The following SORBS2 variants were observed in gnomAD, a reference collection of about 807,000 sequenced individuals.
SORBS2 encodes sorbin and SH3 domain-containing protein 2.
In SORBS2, 46 loss-of-function variants were observed where a neutral mutation model predicts 97.7. The ratio of observed to expected loss-of-function variants is 0.47; its 90% CI spans 0.37 to 0.60. SORBS2 has a LOEUF of 0.60. Among genes scored for constraint, SORBS2 ranks in the 20% least tolerant of loss-of-function variants. The pLI is 0.00. For missense variants in SORBS2, 1,316 were observed against 1,282.3 expected, an observed-to-expected ratio of 1.03 and a Z score of -0.40; for synonymous variants, 476 against 473.4, an observed-to-expected ratio of 1.01 and a Z score of -0.07.
intron 4 of SORBS2, among the ~76,000 whole-genome samples, chr4:185,662,460 A>G (rs978004259): frequency 6.6e-6 from 1 of 152,188 alleles, no homozygotes; most frequent in African/African-American, 2.4e-5. Flanking sequence ...CTGAGGGTCC[A>G]GGGAGTGGTT....
At chr4:185,725,708 T>C (rs1385119797) in intron 2 of SORBS2, among the ~76,000 whole-genome samples, 1 of 152,156 alleles carries the variant, frequency 6.6e-6, no homozygotes, top group Non-Finnish European at 1.5e-5. Flanking sequence ...GTTTTAATTT[T>C]ATTTTATCAA....
intron 4 of SORBS2, among the ~76,000 whole-genome samples, chr4:185,638,646 T>A (rs1238144155): frequency 9.9e-6 from 1 of 100,584 alleles, no homozygotes; most frequent in East Asian, 3.1e-4. Context: ...TGCAGGCAGG[T>A]GGTAAGCCTG....
chr4:185,697,483 G>A (rs2098193534), intron 2 of SORBS2, among the ~76,000 whole-genome samples: 1 of 152,044 alleles, frequency 6.6e-6, no homozygotes, highest in African/African-American at 2.4e-5. Context: ...CCCACACATT[G>A]CCATGAACAA....
At position 185,703,461 on chromosome 4, in the gene SORBS2, T is replaced by A. The variant is rs569692013; in HGVS notation, c.-197-24639A>T. On this transcript the variant is annotated intron_variant, in intron 2 of 20. Transcript: ENST00000284776. ...TTTGCATAGCTCCTATTTTAAAGAG[T>A]AAAAGTCTATTGGCTTTTGAAGGAA... Among the ~76,000 whole-genome samples the A allele has an allele frequency of 1.9e-4, 29 of 152,200 alleles. No individual in the cohort carries two copies. In the South Asian group the frequency reaches 5.0e-3, roughly 26 times the overall value.
chr4:185,665,809 T>A (rs1036281439), intron 4 of SORBS2: 1 of 1,115,234 alleles, frequency 9.0e-7, no homozygotes, highest in Non-Finnish European at 1.1e-6. Flanking sequence ...GGAGGGTGTC[T>A]CAGAACGGCC....
chr4:185,648,713 G>T (rs1007860074), intron 3 of SORBS2, among the ~76,000 whole-genome samples: 9 of 152,126 alleles, frequency 5.9e-5, no homozygotes, highest in Non-Finnish European at 1.2e-4. Flanking sequence ...CCCTGGCTTG[G>T]ACATAACGAG....
At chr4:185,929,673 C>T (rs922643234) in intron 1 of SORBS2, among the ~76,000 whole-genome samples, 1 of 151,822 alleles carries the variant, frequency 6.6e-6, no homozygotes, top group East Asian at 1.9e-4. Context: ...ATAGCTGGGA[C>T]TACAGGCATG....
chr4:185,862,997 T>A lies in SORBS2; in HGVS notation c.-337-87631A>T, dbSNP rs1288503915. ...TAGTGCCTACCTCTATGCCCCCTCA[T>A]CCCTGCCTGTGCCAATGCACTGCAC... On this transcript the variant is annotated intron_variant, in intron 1 of 20. Coordinates refer to the SORBS2 transcript ENST00000284776. 2.0e-5 allele frequency among the ~76,000 whole-genome samples: 3 copies of A among 152,284 alleles called. No individual in the cohort carries two copies. In the East Asian group the frequency reaches 5.8e-4, roughly 29 times the overall value.
intron 1 of SORBS2, among the ~76,000 whole-genome samples, chr4:185,878,555 C>T (rs756667137): frequency 1.3e-5 from 2 of 152,248 alleles, no homozygotes; most frequent in South Asian, 2.1e-4. Context: ...TGGACTTTGC[C>T]GCTAAGGACC....
chr4:185,701,395 C>T (rs12648681), intron 2 of SORBS2, among the ~76,000 whole-genome samples: 13,559 of 152,180 alleles, frequency 0.089, 1,160 homozygotes, highest in East Asian at 0.22. Flanking sequence ...TCCTTCAGGT[C>T]CACAGGTAGA....
chr4:185,886,426 T>G (rs1011533030), intron 1 of SORBS2, among the ~76,000 whole-genome samples: 1 of 150,710 alleles, frequency 6.6e-6, no homozygotes, highest in Non-Finnish European at 1.5e-5. Flanking sequence ...ATGGTGGCGG[T>G]TGCCTTTAGT....
intron 1 of SORBS2, among the ~76,000 whole-genome samples, chr4:185,820,589 CT>C (rs2099196171): frequency 6.6e-6 from 1 of 152,158 alleles, no homozygotes; most frequent in Non-Finnish European, 1.5e-5. Flanking sequence ...GGGACAGAGG[CT>C]AGGGAGCAGC....
chr4:185,934,031 T>C (rs1213980399), intron 1 of SORBS2, among the ~76,000 whole-genome samples: 2 of 152,148 alleles, frequency 1.3e-5, no homozygotes, highest in Non-Finnish European at 2.9e-5. Context: ...TTTTTCCCCA[T>C]AGGAAAAAAT....
intron 4 of SORBS2, among the ~76,000 whole-genome samples, chr4:185,633,194 A>G (rs571594606): frequency 3.9e-5 from 6 of 152,306 alleles, no homozygotes; most frequent in African/African-American, 1.4e-4. Context: ...ATTAAAATCT[A>G]TGTTATTCAT....
At chr4:185,930,943 A>G (rs907302586) in intron 1 of SORBS2, among the ~76,000 whole-genome samples, 3 of 152,212 alleles carry the variant, frequency 2.0e-5, no homozygotes, top group African/African-American at 4.8e-5. Context: ...TAAAAACTCA[A>G]TGCATTGATA....
rs574188428 is a variant in SORBS2 at position 185,624,189 on chromosome 4, A to G, written c.940T>C (p.Cys314Arg). ...CAGCTCTCCTTGGAGTCCTCCTCAC[A>G]TAACAGGGAGCCCATGCTTTCCGAC... The change falls in exon 7 of 15, where the codon TGT becomes CGT. Residue 314 changes from cysteine (C) to arginine (R), a missense_variant. Transcript: ENST00000418609. The G allele has an allele frequency of 8.5e-5, 137 of 1,614,226 alleles. 2 individuals are homozygous for G. In the South Asian group the frequency reaches 1.4e-3, roughly 17 times the overall value.
At chr4:185,890,146 C>G (rs2099241725) in intron 1 of SORBS2, among the ~76,000 whole-genome samples, 1 of 152,226 alleles carries the variant, frequency 6.6e-6, no homozygotes, top group Non-Finnish European at 1.5e-5. Flanking sequence ...CTCAGCCTCC[C>G]AAAGTTCTGG....
chr4:185,837,442 GT>G (rs1164572381), intron 1 of SORBS2, among the ~76,000 whole-genome samples: 1 of 152,136 alleles, frequency 6.6e-6, no homozygotes, highest in Non-Finnish European at 1.5e-5. Context: ...GTATTTAATA[GT>G]TTTTTTCTTA....
rs768666472 is a variant in SORBS2 at position 185,635,348 on chromosome 4, T to C, written c.397-4750A>G. The C allele has an allele frequency of 1.9e-6, 3 of 1,606,988 alleles. No homozygotes were observed. The highest frequency in any genetic ancestry group is 2.6e-6 in the Non-Finnish European group (3 of 1,173,662). On this transcript the variant is annotated intron_variant, in intron 4 of 14. Transcript: ENST00000418609. Reference sequence around the variant, plus strand: ...TATCTGAAAAAGAGAGAATAACGTGTTTTTACCTCATTGAAAACACCAGAA... The same window carrying C: ...TATCTGAAAAAGAGAGAATAACGTGCTTTTACCTCATTGAAAACACCAGAA...
Sources: allele counts gnomAD v4.1 joint callset (sites outside exome capture counted in the v4.1 genomes callset), GRCh38; gene constraint gnomAD v4.1.1; transcripts MANE v1.5; gene names NCBI Gene and HGNC (gene_info 2026-07-23, HGNC 2026-07-21).